NEK4: variants seen among roughly 807,000 people sequenced by gnomAD.
NEK4 encodes the protein serine/threonine-protein kinase Nek4.
NEK4 carries 86 observed loss-of-function variants against 98.4 expected under a neutral mutation model. The observed-to-expected ratio is 0.87, with a 90% confidence interval of 0.73 to 1.05. The LOEUF (loss-of-function observed/expected upper bound fraction) is 1.05, where lower values mean the gene tolerates loss of function less well. Among genes scored for constraint, NEK4 ranks in the 50% least tolerant of loss-of-function variants. NEK4 has a pLI of 0.00. For synonymous variants in NEK4, 328 were observed against 342.2 expected (o/e 0.96, Z 0.46); for missense variants, 898 against 950.3 (o/e 0.94, Z 0.72).
At chr3:52,725,191 A>G (rs1353268129) in intron 15 of NEK4, among the ~76,000 whole-genome samples, 2 of 152,190 alleles carry the variant, frequency 1.3e-5, no homozygotes, top group African/African-American at 4.8e-5. Context: ...CATTTTAAAA[A>G]CCAATTTTTA....
chr3:52,712,209 T>TCATATTCATTCAGCAAATTCATTCATACA (rs2097351059), intron 15 of NEK4, among the ~76,000 whole-genome samples: 1 of 152,238 alleles, frequency 6.6e-6, no homozygotes, highest in Non-Finnish European at 1.5e-5. Context: ...GCAAATTCAT[T>TCATATTCATTCAGCAAATTCATTCATACA]TATATATGTA....
chr3:52,766,796 C>G (rs1698576426), intron 2 of NEK4, among the ~76,000 whole-genome samples: 2 of 151,430 alleles, frequency 1.3e-5, no homozygotes, highest in Non-Finnish European at 2.9e-5. Context: ...ACCATCCTGG[C>G]TAACAAGGTG....
chr3:52,719,062 C>A lies in NEK4; in HGVS notation c.2434-7193G>T, dbSNP rs1196387368. Among the ~76,000 whole-genome samples the A allele has an allele frequency of 2.0e-5, 3 of 152,328 alleles. No homozygotes were observed. In the East Asian group the frequency reaches 5.8e-4, roughly 29 times the overall value. ...ATGAGCCATCGCGCCTGGCCTACAC[C>A]CCCTTTAAAAGTGCTTGCTTTCTGC... On this transcript the variant is annotated intron_variant, in intron 15 of 15. Transcript: ENST00000233027.
intron 1 of NEK4, among the ~76,000 whole-genome samples, chr3:52,770,448 A>T (rs2154107547): frequency 6.6e-6 from 1 of 151,254 alleles, no homozygotes. Flanking sequence ...TTAAAAGGAA[A>T]AAAATTTAAC....
At chr3:52,724,263 A>ACACACACACACACACACAC (rs1553914988) in intron 15 of NEK4, among the ~76,000 whole-genome samples, 2 of 151,416 alleles carry the variant, frequency 1.3e-5, no homozygotes, top group African/African-American at 4.8e-5. Context: ...ACACACACAC[A>ACACACACACACACACACAC]AAACTGTCAA....
At chr3:52,733,750 T>C (rs1553915975) in intron 15 of NEK4, 2 of 442,460 alleles carry the variant, frequency 4.5e-6, no homozygotes, top group Non-Finnish European at 9.1e-6. Flanking sequence ...AGATAATTCA[T>C]ACTGGAGAGA....
chr3:52,763,886 T>C lies in NEK4; in HGVS notation c.667-262A>G, dbSNP rs1370996140. Reference sequence around the variant, plus strand: ...TAAGAGTATGAGTTTCCTAAAGACTTATGTATCGGGATGTTCAATGCAGTA... The same window carrying C: ...TAAGAGTATGAGTTTCCTAAAGACTCATGTATCGGGATGTTCAATGCAGTA... On this transcript the variant is annotated intron_variant, in intron 4 of 15. Coordinates refer to ENST00000233027, the MANE Select transcript of NEK4 (RefSeq NM_003157.6). 2.0e-5 allele frequency among the ~76,000 whole-genome samples: 3 copies of C among 152,204 alleles called. No individual in the cohort carries two copies. In the East Asian group the frequency reaches 5.8e-4, roughly 29 times the overall value.
intron 15 of NEK4, among the ~76,000 whole-genome samples, chr3:52,722,805 T>C (rs1363102378): frequency 6.6e-6 from 1 of 152,058 alleles, no homozygotes. Flanking sequence ...CCTGGGAGGC[T>C]GAGGTGGGAG....
chr3:52,724,913 A>T (rs935938957), intron 15 of NEK4, among the ~76,000 whole-genome samples: 4 of 152,248 alleles, frequency 2.6e-5, no homozygotes, highest in Non-Finnish European at 4.4e-5. Flanking sequence ...AGAACATCAC[A>T]TTGTACTCTA....
intron 6 of NEK4, chr3:52,753,920 A>T (rs1432133300): frequency 3.1e-6 from 1 of 320,250 alleles, no homozygotes; most frequent in African/African-American, 2.2e-5. Flanking sequence ...CTATAATCCC[A>T]GCACTTTGAG....
chr3:52,736,499 T>C (rs568195146), intron 15 of NEK4, among the ~76,000 whole-genome samples: 43 of 150,756 alleles, frequency 2.9e-4, no homozygotes, highest in Non-Finnish European at 5.0e-4. Context: ...GGCAGGAGAA[T>C]GGCGTGAACC....
chr3:52,750,726 A>AG (rs990482158), intron 7 of NEK4, among the ~76,000 whole-genome samples: 15 of 152,112 alleles, frequency 9.9e-5, no homozygotes, highest in Non-Finnish European at 2.1e-4. Context: ...CAGGAGTTTG[A>AG]GACCAGCCTG....
intron 15 of NEK4, among the ~76,000 whole-genome samples, chr3:52,712,227 G>T (rs929986236): frequency 2.0e-5 from 3 of 152,238 alleles, no homozygotes; most frequent in Non-Finnish European, 2.9e-5. Flanking sequence ...GTATGTAAAT[G>T]TAAATCCCAT....
chr3:52,728,833 C>T (rs368975104), intron 15 of NEK4, among the ~76,000 whole-genome samples: 6 of 152,078 alleles, frequency 3.9e-5, no homozygotes, highest in African/African-American at 1.4e-4. Context: ...GGTCTATAAA[C>T]GGCTGCTCTG....
At chr3:52,730,413 G>T (rs1007470621) in intron 15 of NEK4, among the ~76,000 whole-genome samples, 1 of 152,206 alleles carries the variant, frequency 6.6e-6, no homozygotes, top group African/African-American at 2.4e-5. Flanking sequence ...GAGGAGGAAG[G>T]GGTAATTCCT....
At chr3:52,770,615 G>GCCCCCCCCCCCCCCCTT in intron 1 of NEK4, 39 bp downstream of exon 1, 1 of 1,427,184 alleles carries the variant, frequency 7.0e-7, no homozygotes, top group Non-Finnish European at 9.6e-7. Flanking sequence ...GCGCACTTCT[G>GCCCCCCCCCCCCCCCTT]CCCGCCCCCG....
chr3:52,708,552 A>G lies in NEK4; in HGVS notation c.*3225T>C, dbSNP rs2097347133. On this transcript the variant is annotated 3_prime_UTR_variant, in exon 16 of 16. Transcript: ENST00000233027. ...AAAATATAAAACTCTAAAACTAGCC[A>G]TGATTCAAAGGTTCAATAGCTATAT... 1 of 152,246 alleles carries G rather than the reference A, an allele frequency of 6.6e-6. No homozygotes were observed. Among genetic ancestry groups the G allele is most frequent in the South Asian group, 2.1e-4 (1 of 4,832 alleles). The allele number at this position is 152,246 out of a possible 1,614,324, so 9.4% of individuals were successfully genotyped here. A position where few individuals can be genotyped will look rare whatever the true frequency, so the allele number is the denominator to read the frequency against.
chr3:52,760,840 G>A lies in NEK4; in HGVS notation c.918C>T (p.Ile306=). ...SGEAESNHEV[I]HPQPLSSEGS... is the part of the protein sequence containing the mutation. ...CCTCAGAAGAGAGTGGTTGGGGGTG[G>A]ATTACTTCATGATTTGATTCTGCCT... Residue 306 remains isoleucine (I), a synonymous_variant, in exon 6 of 16, where the codon ATC becomes ATT. Transcript: ENST00000233027. 2 of 1,610,092 alleles carry A rather than the reference G, an allele frequency of 1.2e-6. No homozygotes were observed. The highest frequency in any genetic ancestry group is 8.5e-7 in the Non-Finnish European group (1 of 1,176,640).
At chr3:52,766,403 A>C (rs758445108) in intron 2 of NEK4, 28 bp from the exon 3 acceptor site, 1 of 1,479,924 alleles carries the variant, frequency 6.8e-7, no homozygotes, top group Non-Finnish European at 9.4e-7. Context: ...ATTTTATTAC[A>C]TATAAATAGA....
Sources: gnomAD v4.1 joint callset for allele counts (sites outside exome capture counted in the v4.1 genomes callset) on GRCh38, gnomAD v4.1.1 for gene constraint, MANE v1.5 for transcripts, NCBI Gene and HGNC (gene_info 2026-07-23, HGNC 2026-07-21) for gene names.